The following CSMD1 variants were observed in gnomAD, a reference collection of about 807,000 sequenced individuals.
CSMD1 encodes CUB and sushi domain-containing protein 1.
Under a neutral mutation model 417.5 loss-of-function variants are expected in CSMD1, and 213 were observed. The observed-to-expected ratio is 0.51, with a 90% CI of 0.46 to 0.57. The LOEUF is 0.57. Ranked by LOEUF, CSMD1 falls within the 20% of genes least tolerant of loss-of-function variation. CSMD1 has a pLI of 0.00. For synonymous variants in CSMD1, 2,862 were observed against 1,736.8 expected (o/e 1.65, Z -16.11); for missense variants, 6,923 against 4,529.7 (o/e 1.53, Z -15.17).
intron 3 of CSMD1, among the ~76,000 whole-genome samples, chr8:4,212,374 A>G (rs1800365637): frequency 6.6e-6 from 1 of 152,140 alleles, no homozygotes; most frequent in African/African-American, 2.4e-5. Flanking sequence ...TTACACATAG[A>G]GAATCTCACT....
intron 3 of CSMD1, among the ~76,000 whole-genome samples, chr8:4,371,331 C>T (rs998909374): frequency 1.3e-5 from 2 of 151,928 alleles, no homozygotes; most frequent in African/African-American, 4.8e-5. Context: ...TGGCAACAGG[C>T]AAGTTAAAGT....
intron 54 of CSMD1, among the ~76,000 whole-genome samples, chr8:2,987,266 T>G (rs1234482530): frequency 2.0e-5 from 3 of 151,804 alleles, no homozygotes; most frequent in Non-Finnish European, 4.4e-5. Context: ...ATTCTTGACA[T>G]GAAAAATTCT....
chr8:4,624,556 C>T (rs1050054293), intron 2 of CSMD1, among the ~76,000 whole-genome samples: 1 of 152,146 alleles, frequency 6.6e-6, no homozygotes, highest in Non-Finnish European at 1.5e-5. Flanking sequence ...GAGGGGATTT[C>T]ACATATTGAA....
At chr8:4,722,071 A>G (rs1270493652) in intron 1 of CSMD1, among the ~76,000 whole-genome samples, 3 of 152,180 alleles carry the variant, frequency 2.0e-5, no homozygotes, top group Non-Finnish European at 2.9e-5. Context: ...TGTAGGATGA[A>G]TAAGTCAAGA....
intron 3 of CSMD1, among the ~76,000 whole-genome samples, chr8:4,304,478 G>A (rs1452501106): frequency 6.6e-6 from 1 of 152,142 alleles, no homozygotes; most frequent in Non-Finnish European, 1.5e-5. Flanking sequence ...ATAGTACAGA[G>A]TCCCATCCTG....
chr8:4,054,622 G>A (rs144974807), intron 3 of CSMD1, among the ~76,000 whole-genome samples: 126 of 152,094 alleles, frequency 8.3e-4, no homozygotes, highest in Non-Finnish European at 1.2e-3. Context: ...TTTCCCCATC[G>A]GACTGTAAAA....
At chr8:3,716,862 C>CAAG (rs148234135) in intron 6 of CSMD1, among the ~76,000 whole-genome samples, 8,883 of 152,130 alleles carry the variant, frequency 0.058, 295 homozygotes, top group South Asian at 0.074. Flanking sequence ...TCGGAATTAT[C>CAAG]AAGAGTAATA....
intron 3 of CSMD1, among the ~76,000 whole-genome samples, chr8:4,272,651 T>A (rs986378826): frequency 6.6e-6 from 1 of 152,192 alleles, no homozygotes; most frequent in African/African-American, 2.4e-5. Flanking sequence ...GCATTCTTCC[T>A]AACACTCCAA....
At chr8:4,007,948 G>A (rs1301111954) in intron 4 of CSMD1, among the ~76,000 whole-genome samples, 2 of 152,136 alleles carry the variant, frequency 1.3e-5, no homozygotes, top group African/African-American at 4.8e-5. Flanking sequence ...TCTTAATAGA[G>A]CGAAATTTCA....
intron 52 of CSMD1, among the ~76,000 whole-genome samples, chr8:3,004,607 G>T (rs1807712300): frequency 6.6e-6 from 1 of 152,130 alleles, no homozygotes; most frequent in Admixed American, 6.5e-5. Context: ...TATCCTCATG[G>T]AATTGCAGAA....
intron 5 of CSMD1, among the ~76,000 whole-genome samples, chr8:3,838,926 C>A (rs1189548165): frequency 2.5e-4 from 27 of 108,218 alleles, no homozygotes; most frequent in African/African-American, 5.1e-4. Flanking sequence ...TATAGTCTCT[C>A]TATTTATATA....
At chr8:4,454,083 A>G (rs1799325032) in intron 2 of CSMD1, among the ~76,000 whole-genome samples, 1 of 151,922 alleles carries the variant, frequency 6.6e-6, no homozygotes, top group Non-Finnish European at 1.5e-5. Flanking sequence ...CGGCCTCCCT[A>G]AGTGCTGGGA....
chr8:4,177,200 T>A (rs1162351037), intron 3 of CSMD1, among the ~76,000 whole-genome samples: 3 of 151,946 alleles, frequency 2.0e-5, no homozygotes, highest in Admixed American at 6.6e-5. Flanking sequence ...CCTCAGCAAA[T>A]GTAAAAGAAG....
chr8:3,700,534 T>C (rs1800799209), intron 7 of CSMD1: 1 of 152,238 alleles, frequency 6.6e-6, no homozygotes, highest in Non-Finnish European at 1.5e-5. Context: ...TCTCGGAACC[T>C]AAGCAGGGTC....
rs148521152 is a variant in CSMD1, at chr8:3,952,362, A to C, written c.818+45541T>G. Among the ~76,000 whole-genome samples, 15 of 152,330 alleles carry C rather than the reference A, an allele frequency of 9.8e-5. No individual in the cohort carries two copies. The East Asian group carries it at 2.9e-3, about 29-fold the overall frequency. Reference sequence around the variant, plus strand: ...TAATTCAACCATCTTCTGTTGAACCAAACATAAAATAGATTTAATTCTACT... The same window carrying C: ...TAATTCAACCATCTTCTGTTGAACCCAACATAAAATAGATTTAATTCTACT... On this transcript the variant is annotated intron_variant, in intron 5 of 69. Coordinates refer to ENST00000635120, the MANE Select transcript of CSMD1 (RefSeq NM_033225.6).
chr8:4,342,935 G>C (rs536820424), intron 3 of CSMD1, among the ~76,000 whole-genome samples: 2 of 152,060 alleles, frequency 1.3e-5, no homozygotes, highest in Admixed American at 6.6e-5. Flanking sequence ...GCTGCACACT[G>C]ATCTGTAAGT....
chr8:3,586,042 A>T (rs76594796), intron 9 of CSMD1, 94 bp downstream of exon 9: 1 of 1,313,348 alleles, frequency 7.6e-7, no homozygotes, highest in Non-Finnish European at 1.0e-6. Flanking sequence ...TACTCTTCCC[A>T]TACACAATGC....
At chr8:3,793,503 C>T (rs1284069243) in intron 5 of CSMD1, among the ~76,000 whole-genome samples, 1 of 150,696 alleles carries the variant, frequency 6.6e-6, no homozygotes, top group Non-Finnish European at 1.5e-5. Context: ...TTGTGCCCCC[C>T]TCTCTAGGTG....
chr8:3,825,914 G>A (rs1273834218), intron 5 of CSMD1, among the ~76,000 whole-genome samples: 1 of 152,160 alleles, frequency 6.6e-6, no homozygotes, highest in Non-Finnish European at 1.5e-5. Flanking sequence ...CAGACATGCA[G>A]GTAAGAATTC....
Sources: allele counts gnomAD v4.1 joint callset (sites outside exome capture counted in the v4.1 genomes callset), GRCh38; gene constraint gnomAD v4.1.1; transcripts MANE v1.5; gene names NCBI Gene and HGNC (gene_info 2026-07-23, HGNC 2026-07-21).